The following TBC1D30 variants were observed in gnomAD, a reference collection of about 807,000 sequenced individuals.
The protein encoded by TBC1D30 is TBC1 domain family, member 30.
TBC1D30 carries 31 observed loss-of-function variants against 63.2 expected under a neutral mutation model. The ratio of observed to expected loss-of-function variants is 0.49; its 90% confidence interval spans 0.37 to 0.66. TBC1D30 has a LOEUF of 0.66. Ranked by LOEUF, TBC1D30 falls within the 30% of genes least tolerant of loss-of-function variation. The probability of loss-of-function intolerance (pLI) is 0.00; values close to 1 mark genes in which losing one functional copy is unlikely to be tolerated. For missense variants in TBC1D30, 810 were observed against 953.6 expected, an observed-to-expected ratio of 0.85 and a Z score of 1.98; for synonymous variants, 307 against 361.5, an observed-to-expected ratio of 0.85 and a Z score of 1.71.
chr12:64,858,435 C>A (rs1484924773), intron 8 of TBC1D30, among the ~76,000 whole-genome samples: 12 of 152,188 alleles, frequency 7.9e-5, no homozygotes. Flanking sequence ...CCATGGCATA[C>A]TCCCTGGATA....
intron 2 of TBC1D30, among the ~76,000 whole-genome samples, chr12:64,796,845 G>A (rs1017319254): frequency 1.3e-5 from 2 of 151,912 alleles, no homozygotes; most frequent in South Asian, 2.1e-4. Flanking sequence ...TCTTTTATAC[G>A]AAGTGTAAAT....
intron 2 of TBC1D30, among the ~76,000 whole-genome samples, chr12:64,805,283 T>G (rs1872797111): frequency 6.6e-6 from 1 of 152,216 alleles, no homozygotes; most frequent in Admixed American, 6.5e-5. Context: ...ACCACACTCC[T>G]ATAAAAAGAC....
chr12:64,803,864 G>A (rs764696263), intron 2 of TBC1D30, among the ~76,000 whole-genome samples: 4 of 152,180 alleles, frequency 2.6e-5, no homozygotes, highest in Non-Finnish European at 5.9e-5. Flanking sequence ...CTGTATCTCT[G>A]TTTTGGTACC....
chr12:64,777,858 C>G (rs1565636957), upstream of TBC1D30, among the ~76,000 whole-genome samples: 1 of 152,246 alleles, frequency 6.6e-6, no homozygotes, highest in Non-Finnish European at 1.5e-5. Flanking sequence ...CTACCAGGTT[C>G]AAGTGATTCT....
Position 64,862,882 on chromosome 12 carries a change from TAG to T in TBC1D30, c.1039-1783_1039-1782del, listed in dbSNP as rs550492548. ...TCACATTTGATATGTGATGGTCAGA[TAG>T]AGTTAGGGCAATGCAGCTCCTACCC... is the stretch of plus-strand genomic sequence containing the variant. On this transcript the variant is annotated intron_variant, in intron 8 of 11. Coordinates refer to ENST00000539867, the MANE Select transcript of TBC1D30 (RefSeq NM_015279.2). Among the ~76,000 whole-genome samples, 18 of 152,310 alleles carry T rather than the reference TAG, an allele frequency of 1.2e-4. No homozygotes were observed. The South Asian group carries it at 1.7e-3, about 14-fold the overall frequency.
At chr12:64,832,744 G>A (rs1419293256) in intron 5 of TBC1D30, among the ~76,000 whole-genome samples, 1 of 152,096 alleles carries the variant, frequency 6.6e-6, no homozygotes. Flanking sequence ...ATTGGCTTTC[G>A]AGTTTGTTTA....
chr12:64,771,573 T>G (rs904771432), intron 1 of TBC1D30, among the ~76,000 whole-genome samples: 6 of 152,146 alleles, frequency 3.9e-5, no homozygotes, highest in Non-Finnish European at 8.8e-5. Context: ...CTAGTCATAG[T>G]TACACCACTG....
At position 64,805,465 on chromosome 12, in the gene TBC1D30, G is replaced by C. The variant is rs73325433; in HGVS notation, c.643+19420G>C. Among the ~76,000 whole-genome samples the C allele has an allele frequency of 6.4e-4, 98 of 152,198 alleles. 2 individuals are homozygous for C. Among genetic ancestry groups the C allele is most frequent in the African/African-American group, 2.2e-3 (92 of 41,528 alleles). On this transcript the variant is annotated intron_variant, in intron 2 of 12. Transcript: ENST00000542120. ...CTGAATCCTGTTTTTGATGCTACTGGGTTTTTCTGCACATCATCCTGTTTT... is the reference window on the plus strand; with the variant it reads ...CTGAATCCTGTTTTTGATGCTACTGCGTTTTTCTGCACATCATCCTGTTTT...
At chr12:64,819,761 C>A (rs1298476287), upstream of TBC1D30, among the ~76,000 whole-genome samples, 1 of 152,190 alleles carries the variant, frequency 6.6e-6, no homozygotes, top group Non-Finnish European at 1.5e-5. Context: ...GGCCACAGAT[C>A]TTGTCTGGTT....
At chr12:64,842,561 GAGA>G (rs1346859146) in intron 7 of TBC1D30, among the ~76,000 whole-genome samples, 2 of 152,110 alleles carry the variant, frequency 1.3e-5, no homozygotes, top group Non-Finnish European at 2.9e-5. Flanking sequence ...GCAGCACCCT[GAGA>G]AGAACTCAGA....
At chr12:64,774,020 C>T (rs188552895) in intron 1 of TBC1D30, among the ~76,000 whole-genome samples, 5 of 152,148 alleles carry the variant, frequency 3.3e-5, no homozygotes, top group Non-Finnish European at 4.4e-5. Context: ...GATATTGTAA[C>T]CCAATGGAAG....
At chr12:64,764,863 A>G (rs1870647366) in intron 1 of TBC1D30, among the ~76,000 whole-genome samples, 1 of 152,232 alleles carries the variant, frequency 6.6e-6, no homozygotes, top group Non-Finnish European at 1.5e-5. Context: ...AAGGCAAGGC[A>G]AAGAATGACC....
At chr12:64,811,090 G>A (rs1321885293) in intron 2 of TBC1D30, among the ~76,000 whole-genome samples, 2 of 152,186 alleles carry the variant, frequency 1.3e-5, no homozygotes, top group African/African-American at 4.8e-5. Context: ...ATTTTGTAAT[G>A]CAAGTCTTAG....
intron 8 of TBC1D30, among the ~76,000 whole-genome samples, chr12:64,863,003 CATG>C (rs1310773108): frequency 6.6e-6 from 1 of 152,120 alleles, no homozygotes; most frequent in Non-Finnish European, 1.5e-5. Flanking sequence ...GGAGCTAAGA[CATG>C]ATAGTAAGAG....
At chr12:64,787,292 C>G (rs1260499708) in intron 2 of TBC1D30, 6 of 765,778 alleles carry the variant, frequency 7.8e-6, no homozygotes, top group South Asian at 5.9e-5. Context: ...ATTCTCCATG[C>G]AATAGCCTTA....
At position 64,876,801 on chromosome 12, in the gene TBC1D30, T is replaced by C; in HGVS notation, c.*1013T>C. On this transcript the variant is annotated 3_prime_UTR_variant, in exon 12 of 12. Coordinates refer to ENST00000539867, the MANE Select transcript of TBC1D30 (RefSeq NM_015279.2). Reference sequence around the variant, plus strand: ...CTTTCTCTGGAGAAGGCCCCAGTGCTTTCTAGCTCCCTCTCACTCCTGCCC... The same window carrying C: ...CTTTCTCTGGAGAAGGCCCCAGTGCCTTCTAGCTCCCTCTCACTCCTGCCC... The C allele has an allele frequency of 6.6e-6, 3 of 456,084 alleles. No homozygotes were observed. Among genetic ancestry groups the C allele is most frequent in the Non-Finnish European group, 1.3e-5 (3 of 226,802 alleles). The allele number at this position is 456,084 out of a possible 1,614,324, so 28.3% of individuals were successfully genotyped here. A position where few individuals can be genotyped will look rare whatever the true frequency, so the allele number is the denominator to read the frequency against.
At chr12:64,823,021 T>A (rs1041345995), upstream of TBC1D30, among the ~76,000 whole-genome samples, 8 of 152,000 alleles carry the variant, frequency 5.3e-5, no homozygotes, top group Non-Finnish European at 5.9e-5. Flanking sequence ...ACCTATTCAA[T>A]GAATGTATGT....
At chr12:64,824,559 A>T (rs1874114981), upstream of TBC1D30, 1 of 259,310 alleles carries the variant, frequency 3.9e-6, no homozygotes, top group Non-Finnish European at 7.3e-6. Context: ...CGGTGCCGGG[A>T]TTGGGGGCGG....
chr12:64,774,269 C>CGTTTT, intron 1 of TBC1D30, among the ~76,000 whole-genome samples: 3 of 152,088 alleles, frequency 2.0e-5, no homozygotes, highest in African/African-American at 7.2e-5. Context: ...ATGAACAAAA[C>CGTTTT]GTCTGAGAAA....
Sources: allele counts gnomAD v4.1 joint callset (sites outside exome capture counted in the v4.1 genomes callset), GRCh38; gene constraint gnomAD v4.1.1; transcripts MANE v1.5; gene names NCBI Gene and HGNC (gene_info 2026-07-23, HGNC 2026-07-21).